CDH18: variants seen among roughly 807,000 people sequenced by gnomAD.
CDH18 encodes cadherin 18.
Under a neutral mutation model 67.9 loss-of-function variants are expected in CDH18, and 31 were observed. The observed-to-expected ratio is 0.46, with a 90% CI of 0.34 to 0.62. The LOEUF is 0.62. CDH18 is among the 20% of genes least tolerant of loss of function. The pLI is 0.01. For synonymous variants in CDH18, 362 were observed against 347.2 expected (o/e 1.04, Z -0.48); for missense variants, 890 against 975.5 (o/e 0.91, Z 1.17).
chr5:19,811,642 G>A (rs948719705), intron 3 of CDH18, among the ~76,000 whole-genome samples: 1 of 152,108 alleles, frequency 6.6e-6, no homozygotes, highest in African/African-American at 2.4e-5. Context: ...AATTATCTGA[G>A]CCAAGGTATA....
intron 3 of CDH18, among the ~76,000 whole-genome samples, chr5:19,825,629 G>C (rs1581523752): frequency 1.3e-5 from 2 of 151,890 alleles, no homozygotes; most frequent in South Asian, 2.1e-4. Flanking sequence ...GTACATTCAA[G>C]ATCCAGGGGC....
chr5:20,173,330 C>T (rs183792194), intron 2 of CDH18, among the ~76,000 whole-genome samples: 15 of 152,184 alleles, frequency 9.9e-5, no homozygotes, highest in Non-Finnish European at 1.9e-4. Flanking sequence ...CGGAAGTCAA[C>T]GACCCAGTCC....
At chr5:20,336,471 T>G (rs1739749607) in intron 1 of CDH18, among the ~76,000 whole-genome samples, 1 of 151,862 alleles carries the variant, frequency 6.6e-6, no homozygotes, top group Non-Finnish European at 1.5e-5. Flanking sequence ...GCCTGTAATC[T>G]CAGCACTTTG....
chr5:20,337,337 T>C lies in CDH18; in HGVS notation c.-579-81832A>G, dbSNP rs114020872. The stretch of plus-strand genomic sequence containing the variant: ...AGGCTGCAAATTTTCCAAACTTTTA[T>C]GCTCTGCTTTCATTATAAAACTCAA... On this transcript the variant is annotated intron_variant, in intron 1 of 14. Coordinates refer to the CDH18 transcript ENST00000507958. 2.2e-3 allele frequency among the ~76,000 whole-genome samples: 328 copies of C among 152,336 alleles called. 1 individual carries two copies. Among genetic ancestry groups the C allele is most frequent in the African/African-American group, 7.3e-3 (305 of 41,572 alleles).
intron 2 of CDH18, among the ~76,000 whole-genome samples, chr5:19,935,324 G>A (rs1193550851): frequency 2.0e-5 from 3 of 151,364 alleles, no homozygotes; most frequent in East Asian, 1.9e-4. Flanking sequence ...TAAGCTAGGC[G>A]ATTTCAGTTA....
intron 1 of CDH18, chr5:20,304,384 A>G: frequency 7.0e-7 from 1 of 1,433,412 alleles, no homozygotes; most frequent in Non-Finnish European, 9.8e-7. Flanking sequence ...AGTAAAAAGC[A>G]TCTTCTTCTT....
At chr5:20,242,640 A>ATATATACATATATATATGTG (rs1561906132) in intron 2 of CDH18, among the ~76,000 whole-genome samples, 4 of 138,040 alleles carry the variant, frequency 2.9e-5, no homozygotes, top group African/African-American at 1.1e-4. Context: ...ATATGTATAT[A>ATATATACATATATATATGTG]TATATATATA....
chr5:20,063,192 A>G (rs1169288277), intron 2 of CDH18, among the ~76,000 whole-genome samples: 2 of 151,472 alleles, frequency 1.3e-5, no homozygotes, highest in Non-Finnish European at 2.9e-5. Context: ...TAATTGAATC[A>G]GCTTATAAAT....
chr5:19,827,778 C>A (rs1213737552), intron 3 of CDH18, among the ~76,000 whole-genome samples: 5 of 151,998 alleles, frequency 3.3e-5, no homozygotes. Flanking sequence ...GTGCCCACTT[C>A]AAAACGTTAG....
intron 1 of CDH18, among the ~76,000 whole-genome samples, chr5:20,384,119 C>T (rs1447443019): frequency 6.6e-6 from 1 of 152,052 alleles, no homozygotes; most frequent in African/African-American, 2.4e-5. Context: ...GGCAAAAACA[C>T]TTAACATGAG....
At position 19,838,878 on chromosome 5, in the gene CDH18, G is replaced by A. The variant is rs767052423; in HGVS notation, c.109C>T (p.Gln37Ter). 1 of 1,614,034 alleles carries A rather than the reference G, an allele frequency of 6.2e-7. No individual in the cohort carries two copies. The highest frequency in any genetic ancestry group is 1.7e-5 in the Admixed American group (1 of 60,018). ...GTTTCACCTTCAATGTGTTTGGTTTGGTTTCTCATCACCTTGATGGAGCTG... is the reference window on the plus strand; with the variant it reads ...GTTTCACCTTCAATGTGTTTGGTTTAGTTTCTCATCACCTTGATGGAGCTG... ...HHSSIKVMRNQTKHIEGETEV... is the reference protein window; with the variant it reads ...HHSSIKVMRN Residue 37 changes from glutamine (Q) to a stop codon, truncating the protein, a stop_gained, in exon 3 of 13, where the codon CAA becomes TAA. Transcript: ENST00000382275. LOFTEE classifies it high-confidence loss of function.
intron 2 of CDH18, among the ~76,000 whole-genome samples, chr5:19,967,229 A>G (rs6871978): frequency 0.024 from 3,689 of 152,154 alleles, 117 homozygotes; most frequent in African/African-American, 0.081. Flanking sequence ...TCTAAAGGAT[A>G]CATTAATTAC....
Position 19,772,844 on chromosome 5 carries a change from A to C in CDH18, c.229-25608T>G, listed in dbSNP as rs1001146684. Among the ~76,000 whole-genome samples the C allele has an allele frequency of 2.6e-5, 4 of 152,194 alleles. No homozygotes were observed. In the East Asian group the frequency reaches 7.7e-4, roughly 29 times the overall value. On this transcript the variant is annotated intron_variant, in intron 3 of 12. Transcript: ENST00000382275. ...ACATTATTATGTATGCACAGGCATA[A>C]TGACTGATAAGTCTAAGTGTACAAA...
chr5:20,063,531 C>G (rs1742693495), intron 2 of CDH18, among the ~76,000 whole-genome samples: 1 of 152,064 alleles, frequency 6.6e-6, no homozygotes, highest in African/African-American at 2.4e-5. Flanking sequence ...TTGCTTGAGT[C>G]ACATTGGGTA....
chr5:19,865,922 T>C (rs1406621476), intron 2 of CDH18, among the ~76,000 whole-genome samples: 3 of 152,206 alleles, frequency 2.0e-5, no homozygotes, highest in Non-Finnish European at 4.4e-5. Flanking sequence ...CTGTATTGTC[T>C]AGACCTGATT....
At chr5:19,532,997 A>T (rs1286470510) in intron 9 of CDH18, among the ~76,000 whole-genome samples, 1 of 152,200 alleles carries the variant, frequency 6.6e-6, no homozygotes, top group Non-Finnish European at 1.5e-5. Context: ...GAGATATTAA[A>T]GTGGCCAATA....
chr5:19,559,817 G>A (rs1438186522), intron 8 of CDH18, among the ~76,000 whole-genome samples: 1 of 150,562 alleles, frequency 6.6e-6, no homozygotes, highest in Non-Finnish European at 1.5e-5. Context: ...AAAGTTTCAG[G>A]ATACAAAAAT....
intron 2 of CDH18, among the ~76,000 whole-genome samples, chr5:20,134,457 C>T (rs908152081): frequency 2.0e-5 from 3 of 152,100 alleles, no homozygotes; most frequent in African/African-American, 7.2e-5. Context: ...TAATTTCTAG[C>T]ATTTTATTTT....
At chr5:20,095,153 C>CG (rs1745780499) in intron 2 of CDH18, among the ~76,000 whole-genome samples, 1 of 151,242 alleles carries the variant, frequency 6.6e-6, no homozygotes, top group African/African-American at 2.4e-5. Flanking sequence ...CAGGCCCTGT[C>CG]GGGGGATGAG....
Sources: gnomAD v4.1 joint callset for allele counts (sites outside exome capture counted in the v4.1 genomes callset) on GRCh38, gnomAD v4.1.1 for gene constraint, MANE v1.5 for transcripts, NCBI Gene and HGNC (gene_info 2026-07-23, HGNC 2026-07-21) for gene names.